The following MTMR11 variants were observed in gnomAD, a reference collection of about 807,000 sequenced individuals.
MTMR11 encodes the protein myotubularin-related protein 11.
MTMR11 carries 89 observed loss-of-function variants against 100.0 expected under a neutral mutation model. The ratio of observed to expected loss-of-function variants is 0.89; its 90% CI spans 0.75 to 1.06. MTMR11 has a LOEUF of 1.06. Among genes scored for constraint, MTMR11 ranks in the 50% least tolerant of loss-of-function variants. The probability of loss-of-function intolerance (pLI) is 0.00; values close to 1 mark genes in which losing one functional copy is unlikely to be tolerated. For synonymous variants in MTMR11, 336 were observed against 326.3 expected, an observed-to-expected ratio of 1.03 and a Z score of -0.32; for missense variants, 809 against 873.7, an observed-to-expected ratio of 0.93 and a Z score of 0.93.
At chr1:149,932,377 G>C in intron 10 of MTMR11, 47 bp from the exon 11 acceptor site, 1 of 1,451,604 alleles carries the variant, frequency 6.9e-7, no homozygotes, top group South Asian at 1.2e-5. Context: ...TAGAACTCAG[G>C]ATTCAGGATT....
intron 15 of MTMR11, 144 bp downstream of exon 15, chr1:149,930,221 C>T (rs1553767175): frequency 1.1e-6 from 1 of 897,890 alleles, no homozygotes; most frequent in Non-Finnish European, 1.7e-6. Flanking sequence ...TAGGGACACC[C>T]AGGGACTATA....
At position 149,929,077 on chromosome 1, in the gene MTMR11, G is replaced by A. The variant is rs2092618748; in HGVS notation, c.*52C>T. The A allele has an allele frequency of 1.9e-6, 3 of 1,564,100 alleles. No homozygotes were observed. The highest frequency in any genetic ancestry group is 2.6e-6 in the Non-Finnish European group (3 of 1,158,346). ...TAAGGGCTGAAGTGTGAAAGCTGAG[G>A]CTGCAAGTGCAGATACAAAAAAAAA... is the stretch of plus-strand genomic sequence containing the variant. On this transcript the variant is annotated 3_prime_UTR_variant, in exon 17 of 17. Coordinates refer to ENST00000439741, the MANE Select transcript of MTMR11 (RefSeq NM_001145862.2).
chr1:149,933,623 T>C lies in MTMR11; in HGVS notation c.847A>G (p.Lys283Glu), dbSNP rs782792550. The C allele has an allele frequency of 1.5e-5, 25 of 1,614,018 alleles. No individual in the cohort carries two copies. The Admixed American group carries it at 4.2e-4, about 27-fold the overall frequency. Residue 283 changes from lysine to glutamate, a missense_variant, in exon 9 of 17, where the codon AAG becomes GAG. Lys to Glu is a moderately conservative substitution (Grantham distance 56). Transcript: ENST00000439741. Reference sequence around the variant, plus strand: ...AGCCTCCCTCACCTGATATCCTCCTTGTTAGGGTCACTGGCTGTATAGAAG... The same window carrying C: ...AGCCTCCCTCACCTGATATCCTCCTCGTTAGGGTCACTGGCTGTATAGAAG... ...GGFYTASDPN[K>E]EDIRAVELML...
chr1:149,931,031 A>G (rs2092652906), intron 13 of MTMR11, 66 bp from the exon 14 acceptor site: 1 of 1,467,982 alleles, frequency 6.8e-7, no homozygotes. Flanking sequence ...ACGAGATGAT[A>G]AGGGAATGGG....
At position 149,934,291 on chromosome 1, in the gene MTMR11, G is replaced by C; in HGVS notation, c.583C>G (p.Leu195Val). Residue 195 changes from leucine to valine, a missense_variant, in exon 7 of 17, where the codon CTC becomes GTC. By Grantham distance (32) the Leu-to-Val change is conservative. Transcript: ENST00000439741. ...TCCCAGTCTTCCGCTGTCTCCATGAGAGGAATTGGTGGTTTTCTGGAGCCA... is the reference window on the plus strand; with the variant it reads ...TCCCAGTCTTCCGCTGTCTCCATGACAGGAATTGGTGGTTTTCTGGAGCCA... ...GSGSRKPPIP[L>V]METAEDWETE... The C allele has an allele frequency of 6.2e-7, 1 of 1,614,218 alleles. No individual in the cohort carries two copies. The highest frequency in any genetic ancestry group is 2.2e-5 in the East Asian group (1 of 44,888).
intron 1 of MTMR11, 140 bp downstream of exon 1, chr1:149,936,441 CG>C: frequency 7.2e-7 from 1 of 1,384,878 alleles, no homozygotes; most frequent in Middle Eastern, 1.8e-4. Flanking sequence ...CTGAGAAAGA[CG>C]GACCAGGCTC....
intron 13 of MTMR11, 125 bp from the exon 14 acceptor site, chr1:149,931,090 G>T: frequency 1.5e-6 from 2 of 1,343,894 alleles, no homozygotes; most frequent in Non-Finnish European, 2.0e-6. Flanking sequence ...ATGAAAATCT[G>T]AATTGAGGGT....
chr1:149,933,346 G>A (rs2092684428), intron 10 of MTMR11, 60 bp downstream of exon 10: 2 of 1,598,564 alleles, frequency 1.3e-6, no homozygotes, highest in Non-Finnish European at 1.7e-6. Context: ...GGGTAAACCA[G>A]GTTAGGCTCA....
At position 149,932,254 on chromosome 1, in the gene MTMR11, G is replaced by A. The variant is rs368831867; in HGVS notation, c.1052+10C>T. ...ATTATAAATGATGGCTAGAAGAAGCGAGGGAGTACCTGACATAGTCCAGCC... is the reference window on the plus strand; with the variant it reads ...ATTATAAATGATGGCTAGAAGAAGCAAGGGAGTACCTGACATAGTCCAGCC... On this transcript the variant is annotated intron_variant, in intron 11 of 16. Transcript: ENST00000439741. 10 of 1,612,366 alleles carry A rather than the reference G, an allele frequency of 6.2e-6. No individual in the cohort carries two copies. Among genetic ancestry groups the A allele is most frequent in the African/African-American group, 4.0e-5 (3 of 74,868 alleles).
rs587688512 is a variant in MTMR11 at position 149,934,480 on chromosome 1, T to C, written c.515A>G (p.Gln172Arg). The C allele has an allele frequency of 4.3e-6, 7 of 1,614,216 alleles. No individual in the cohort carries two copies. Among genetic ancestry groups the C allele is most frequent in the Middle Eastern group, 1.6e-4 (1 of 6,062 alleles). ...GCTCAGGGTTATCCCCGAATACTGT[T>C]GGGCTTGATTGCTCTGAGCTCTGGC... is the stretch of plus-strand genomic sequence containing the variant. ...VQARAQSNQA[Q>R]QYSGITLSKA... Residue 172 changes from glutamine (Q) to arginine (R), a missense_variant, in exon 6 of 17, where the codon CAA becomes CGA. Gln to Arg is a conservative substitution (Grantham distance 43). Transcript: ENST00000439741.
In MTMR11 at chr1:149,929,258, C is replaced by T; in HGVS notation, c.2001G>A (p.Glu667=). 1 of 1,614,162 alleles carries T rather than the reference C, an allele frequency of 6.2e-7. No homozygotes were observed. The highest frequency in any genetic ancestry group is 8.5e-7 in the Non-Finnish European group (1 of 1,180,022). The change falls in exon 17 of 17, where the codon GAG becomes GAA. Residue 667 remains glutamate, a synonymous_variant. Coordinates refer to ENST00000439741, the MANE Select transcript of MTMR11 (RefSeq NM_001145862.2). ...TTCTTGGTGTCCATTTCCGTAATAACTCCTGAAGATGGGATAGCTCATCCT... is the reference window on the plus strand; with the variant it reads ...TTCTTGGTGTCCATTTCCGTAATAATTCCTGAAGATGGGATAGCTCATCCT... ...GLQDELSHLQ[E]LLRKWTPRIS...
chr1:149,929,539 G>A, intron 16 of MTMR11, 84 bp downstream of exon 16: 1 of 1,475,902 alleles, frequency 6.8e-7, no homozygotes, highest in Non-Finnish European at 9.2e-7. Context: ...AGAGGCTTCA[G>A]CTCCTTGCCT....
Position 149,933,635 on chromosome 1 carries a change from T to C in MTMR11, c.835A>G (p.Ser279Gly), listed in dbSNP as rs1553768185. 3 of 1,614,200 alleles carry C rather than the reference T, an allele frequency of 1.9e-6. No individual in the cohort carries two copies. The highest frequency in any genetic ancestry group is 3.3e-5 in the Admixed American group (2 of 60,022). Residue 279 changes from serine (S) to glycine (G), a missense_variant, in exon 9 of 17, where the codon AGT becomes GGT. Physicochemically the swap from Ser to Gly is moderately conservative, Grantham distance 56 (BLOSUM62 0). Coordinates refer to ENST00000439741, the MANE Select transcript of MTMR11 (RefSeq NM_001145862.2). ...CTGATATCCTCCTTGTTAGGGTCAC[T>C]GGCTGTATAGAAGCCTCCACAGCGG... Reference protein sequence around the residue: ...LLRCGGFYTASDPNKEDIRAV... With the variant: ...LLRCGGFYTAGDPNKEDIRAV...
In MTMR11 at chr1:149,934,181, G is replaced by A; in HGVS notation, c.683+10C>T. On this transcript the variant is annotated intron_variant, in intron 7 of 16. Coordinates refer to ENST00000439741, the MANE Select transcript of MTMR11 (RefSeq NM_001145862.2). ...GAGAGCAGCAGGGTTGGGGTGCACT[G>A]GGGGATCACCTGGTGGCTACGTCGA... is the stretch of plus-strand genomic sequence containing the variant. 6.2e-7 allele frequency: 1 copy of A among 1,613,630 alleles called. No individual in the cohort carries two copies. Among genetic ancestry groups the A allele is most frequent in the South Asian group, 1.1e-5 (1 of 91,054 alleles).
At chr1:149,930,195 AG>A (rs2092640286) in intron 15 of MTMR11, 169 bp downstream of exon 15, 1 of 744,118 alleles carries the variant, frequency 1.3e-6, no homozygotes, top group African/African-American at 1.8e-5. Flanking sequence ...GTGCTATTCT[AG>A]GTCTTCTGTC....
In MTMR11 at chr1:149,932,294, A is replaced by C. The variant is rs1400881988; in HGVS notation, c.1022T>G (p.Leu341Arg). The change falls in exon 11 of 17, where the codon CTG (leucine) becomes CGG (arginine). Residue 341 changes from leucine (L) to arginine (R), a missense_variant. Coordinates refer to ENST00000439741, the MANE Select transcript of MTMR11 (RefSeq NM_001145862.2). The stretch of plus-strand genomic sequence containing the variant: ...ATAGTCCAGCCATCGTGTTCCTTCC[A>C]GGGCTGAAAGCCATTTATCCTCAGC... ...SVAEDKWLSA[L>R]EGTRWLDYVR... The C allele has an allele frequency of 6.2e-7, 1 of 1,614,008 alleles. No individual in the cohort carries two copies. The highest frequency in any genetic ancestry group is 8.5e-7 in the Non-Finnish European group (1 of 1,179,944).
intron 13 of MTMR11, 66 bp downstream of exon 13, chr1:149,931,194 A>G: frequency 1.2e-6 from 2 of 1,601,506 alleles, no homozygotes; most frequent in Non-Finnish European, 1.7e-6. Context: ...GGATTATACA[A>G]AATAATTTCT....
intron 16 of MTMR11, 93 bp from the exon 17 acceptor site, chr1:149,929,410 C>G (rs2092624928): frequency 7.6e-7 from 1 of 1,310,036 alleles, no homozygotes. Context: ...ATTCTGTTTC[C>G]CCTTTCAGCT....
intron 4 of MTMR11, 23 bp downstream of exon 4, chr1:149,935,276 C>T (rs1553768799): frequency 6.2e-7 from 1 of 1,609,504 alleles, no homozygotes; most frequent in Admixed American, 1.7e-5. Flanking sequence ...TGAACCCCTT[C>T]ACCAAACCCC....
Sources: gnomAD v4.1 joint callset for allele counts on GRCh38, gnomAD v4.1.1 for gene constraint, MANE v1.5 for transcripts, NCBI Gene and HGNC (gene_info 2026-07-23, HGNC 2026-07-21) for gene names.